The following KCTD16 variants were observed in gnomAD, a reference collection of about 807,000 sequenced individuals.
KCTD16 encodes the protein BTB/POZ domain-containing protein KCTD16.
In KCTD16, 13 loss-of-function variants were observed where a neutral mutation model predicts 33.2. The observed-to-expected ratio is 0.39, with a 90% CI of 0.25 to 0.62. The LOEUF is 0.62. KCTD16 is among the 20% of genes least tolerant of loss of function. The pLI is 0.50. For synonymous variants in KCTD16, 197 were observed against 195.3 expected, an observed-to-expected ratio of 1.01 and a Z score of -0.07; for missense variants, 441 against 525.1, an observed-to-expected ratio of 0.84 and a Z score of 1.57.
intron 2 of KCTD16, among the ~76,000 whole-genome samples, chr5:144,201,342 C>T (rs1753041196): frequency 6.6e-6 from 1 of 152,166 alleles, no homozygotes; most frequent in African/African-American, 2.4e-5. Flanking sequence ...CCTGAAATTC[C>T]CCCATGAATA....
intron 3 of KCTD16, among the ~76,000 whole-genome samples, chr5:144,311,190 G>A (rs561732972): frequency 2.6e-5 from 4 of 152,298 alleles, no homozygotes; most frequent in African/African-American, 9.6e-5. Flanking sequence ...AAGTGGAGAC[G>A]AGTTAATGGG....
chr5:144,416,998 C>T, intron 3 of KCTD16, among the ~76,000 whole-genome samples: 1 of 152,084 alleles, frequency 6.6e-6, no homozygotes. Context: ...CATTTATATA[C>T]CATAACTTGT....
intron 2 of KCTD16, among the ~76,000 whole-genome samples, chr5:144,190,023 C>T (rs10463368): frequency 0.17 from 25,156 of 152,104 alleles, 2,260 homozygotes; most frequent in East Asian, 0.37. Flanking sequence ...TAACCAGACC[C>T]AGCGAGAGCA....
At chr5:144,301,636 C>T (rs1033006106) in intron 3 of KCTD16, among the ~76,000 whole-genome samples, 3 of 152,138 alleles carry the variant, frequency 2.0e-5, no homozygotes, top group East Asian at 1.9e-4. Context: ...TGCACAATGC[C>T]GTCTCGACAT....
rs985306327 is a variant in KCTD16 at position 144,477,720 on chromosome 5, A to G, written c.*3606A>G. On this transcript the variant is annotated 3_prime_UTR_variant, in exon 4 of 4. Transcript: ENST00000512467. ...CTTGACACCAGCTCCCACAATGGGA[A>G]CCAAATTTTGATTCTTATACATTTT... 6.6e-6 allele frequency: 1 copy of G among 152,112 alleles called. No homozygotes were observed. Among genetic ancestry groups the G allele is most frequent in the African/African-American group, 2.4e-5 (1 of 41,450 alleles). 9.4% of individuals were successfully genotyped at this position (152,112 alleles called of 1,614,324 possible).
At chr5:144,354,292 T>A (rs952877455) in intron 3 of KCTD16, among the ~76,000 whole-genome samples, 4 of 152,226 alleles carry the variant, frequency 2.6e-5, no homozygotes, top group Admixed American at 6.5e-5. Context: ...TGTACCATGT[T>A]GATATGATCA....
chr5:144,244,522 GACTA>G (rs1754495972), intron 3 of KCTD16, among the ~76,000 whole-genome samples: 2 of 152,110 alleles, frequency 1.3e-5, no homozygotes, highest in African/African-American at 2.4e-5. Context: ...CACAGAATTG[GACTA>G]ACTGTTTTTC....
At chr5:144,455,546 T>C (rs1754042730) in intron 3 of KCTD16, among the ~76,000 whole-genome samples, 1 of 152,194 alleles carries the variant, frequency 6.6e-6, no homozygotes, top group Admixed American at 6.5e-5. Context: ...ACACAACTAC[T>C]GTGTTCAGTC....
chr5:144,420,952 G>A (rs776088984), intron 3 of KCTD16, among the ~76,000 whole-genome samples: 1 of 152,150 alleles, frequency 6.6e-6, no homozygotes, highest in East Asian at 1.9e-4. Flanking sequence ...AGGAATTTGA[G>A]CAGAGGAAAT....
chr5:144,349,153 C>T (rs552126937), intron 3 of KCTD16, among the ~76,000 whole-genome samples: 1 of 152,308 alleles, frequency 6.6e-6, no homozygotes, highest in Non-Finnish European at 1.5e-5. Context: ...TTATACATCT[C>T]TCCTAATTCT....
intron 3 of KCTD16, among the ~76,000 whole-genome samples, chr5:144,227,119 T>G (rs978492444): frequency 2.6e-5 from 4 of 152,148 alleles, no homozygotes; most frequent in African/African-American, 7.2e-5. Context: ...AGATGGATAA[T>G]AAACAGCATA....
intron 3 of KCTD16, among the ~76,000 whole-genome samples, chr5:144,265,382 A>G (rs1428947403): frequency 6.6e-6 from 1 of 152,162 alleles, no homozygotes; most frequent in African/African-American, 2.4e-5. Context: ...GGATTTCTTT[A>G]TTCATAAGGA....
intron 3 of KCTD16, among the ~76,000 whole-genome samples, chr5:144,356,333 A>G (rs1262343841): frequency 6.6e-6 from 1 of 152,138 alleles, no homozygotes. Flanking sequence ...GTACATATAT[A>G]AGTATATACA....
At chr5:144,246,281 C>T (rs1290266635) in intron 3 of KCTD16, among the ~76,000 whole-genome samples, 2 of 152,110 alleles carry the variant, frequency 1.3e-5, no homozygotes, top group Non-Finnish European at 2.9e-5. Flanking sequence ...ATCAAAAAAG[C>T]ACTGAATATA....
At chr5:144,405,118 G>A (rs1752783037) in intron 3 of KCTD16, among the ~76,000 whole-genome samples, 1 of 152,124 alleles carries the variant, frequency 6.6e-6, no homozygotes, top group Non-Finnish European at 1.5e-5. Context: ...AATTTGCCCA[G>A]GATCACAGCT....
At chr5:144,390,502 C>T (rs1405155099) in intron 3 of KCTD16, among the ~76,000 whole-genome samples, 2 of 150,176 alleles carry the variant, frequency 1.3e-5, no homozygotes, top group African/African-American at 4.9e-5. Flanking sequence ...GAGAGGAACT[C>T]AAACTGGCTG....
chr5:144,345,440 A>G (rs538546015), intron 3 of KCTD16, among the ~76,000 whole-genome samples: 2 of 152,322 alleles, frequency 1.3e-5, no homozygotes, highest in South Asian at 4.1e-4. Flanking sequence ...CATATTAGAT[A>G]TTGAGAATTC....
At chr5:144,226,996 T>C (rs1454971742) in intron 3 of KCTD16, among the ~76,000 whole-genome samples, 1 of 152,256 alleles carries the variant, frequency 6.6e-6, no homozygotes, top group African/African-American at 2.4e-5. Context: ...ACAGCTACTA[T>C]ATGCCAAACA....
chr5:144,454,102 C>T (rs188620981), intron 3 of KCTD16, among the ~76,000 whole-genome samples: 153 of 152,296 alleles, frequency 1.0e-3, no homozygotes, highest in African/African-American at 3.6e-3. Flanking sequence ...GATAAATCAA[C>T]AATGAATCAA....
Sources: gnomAD v4.1 joint callset for allele counts (sites outside exome capture counted in the v4.1 genomes callset) on GRCh38, gnomAD v4.1.1 for gene constraint, MANE v1.5 for transcripts, NCBI Gene and HGNC (gene_info 2026-07-23, HGNC 2026-07-21) for gene names.